DCUN1D4: variants seen among roughly 807,000 people sequenced by gnomAD.
The protein encoded by DCUN1D4 is DCN1-like protein 4.
In DCUN1D4, 22 loss-of-function variants were observed where a neutral mutation model predicts 47.9. The ratio of observed to expected loss-of-function variants is 0.46; its 90% CI spans 0.33 to 0.66. The LOEUF (loss-of-function observed/expected upper bound fraction) is 0.66, where lower values mean the gene tolerates loss of function less well. Ranked by LOEUF, DCUN1D4 falls within the 30% of genes least tolerant of loss-of-function variation. DCUN1D4 has a pLI of 0.02. For synonymous variants in DCUN1D4, 121 were observed against 112.2 expected (o/e 1.08, Z -0.50); for missense variants, 301 against 340.8 (o/e 0.88, Z 0.92).
Position 51,843,252 on chromosome 4 carries a change from G to A in DCUN1D4, c.10G>A (p.Asp4Asn). The change falls in exon 1 of 11, where the codon GAT becomes AAT. Residue 4 changes from aspartate (D) to asparagine (N), a missense_variant. Coordinates refer to ENST00000334635, the MANE Select transcript of DCUN1D4 (RefSeq NM_001040402.3). MHSDAAAVNFQLNS... is the reference protein window; with the variant it reads MHSNAAAVNFQLNS... ...TGTGAGCTGCCTGAAAATGCACTCG[G>A]ATGCCGCCGCTGTCAGTGAGTAGCA... is the stretch of plus-strand genomic sequence containing the variant. 1 of 1,542,426 alleles carries A rather than the reference G, an allele frequency of 6.5e-7. No homozygotes were observed. Among genetic ancestry groups the A allele is most frequent in the East Asian group, 2.5e-5 (1 of 40,230 alleles).
At chr4:51,838,662 C>A (rs949565727), upstream of DCUN1D4, among the ~76,000 whole-genome samples, 2 of 152,164 alleles carry the variant, frequency 1.3e-5, no homozygotes, top group Non-Finnish European at 2.9e-5. Flanking sequence ...GGGTTTCAGG[C>A]ATGAGCCACC....
chr4:51,888,278 A>C (rs539346327), intron 6 of DCUN1D4, among the ~76,000 whole-genome samples: 1 of 152,158 alleles, frequency 6.6e-6, no homozygotes, highest in East Asian at 1.9e-4. Flanking sequence ...TTAGCTGAGC[A>C]TTTAGTCTCA....
chr4:51,877,709 C>A, intron 4 of DCUN1D4, 54 bp from the exon 5 acceptor site: 1 of 1,097,174 alleles, frequency 9.1e-7, no homozygotes, highest in Non-Finnish European at 1.4e-6. Context: ...TTATCTGCTA[C>A]TTTAAAGAAC....
At chr4:51,886,544 T>C in intron 5 of DCUN1D4, 24 bp from the exon 6 acceptor site, 1 of 1,607,618 alleles carries the variant, frequency 6.2e-7, no homozygotes, top group Non-Finnish European at 8.5e-7. Flanking sequence ...TCAGATTTAA[T>C]TTACATAAGA....
At chr4:51,857,194 C>T (rs1724269470) in intron 1 of DCUN1D4, among the ~76,000 whole-genome samples, 1 of 152,106 alleles carries the variant, frequency 6.6e-6, no homozygotes, top group Non-Finnish European at 1.5e-5. Flanking sequence ...CTCGCTTCTT[C>T]CTTTTTTATT....
chr4:51,886,849 C>T, intron 6 of DCUN1D4: 1 of 528,000 alleles, frequency 1.9e-6, no homozygotes, highest in Non-Finnish European at 3.4e-6. Context: ...TTTTTTCTCT[C>T]ATTTAATTTC....
At chr4:51,884,487 A>C (rs761116736) in intron 5 of DCUN1D4, 1 of 152,256 alleles carries the variant, frequency 6.6e-6, no homozygotes, top group Non-Finnish European at 1.5e-5. Flanking sequence ...TAAGAAGGTG[A>C]ATTCTGCTGG....
At chr4:51,846,689 A>G (rs916332048) in intron 1 of DCUN1D4, among the ~76,000 whole-genome samples, 2 of 152,212 alleles carry the variant, frequency 1.3e-5, no homozygotes, top group African/African-American at 4.8e-5. Flanking sequence ...GCCTTTGCCA[A>G]TACAATGCTC....
At chr4:51,855,543 G>A (rs555438206) in intron 1 of DCUN1D4, among the ~76,000 whole-genome samples, 9 of 152,306 alleles carry the variant, frequency 5.9e-5, no homozygotes, top group African/African-American at 2.2e-4. Context: ...TGTTGGGCCT[G>A]TGAACGTCAA....
At chr4:51,845,709 G>T (rs936661823) in intron 1 of DCUN1D4, among the ~76,000 whole-genome samples, 1 of 152,180 alleles carries the variant, frequency 6.6e-6, no homozygotes, top group African/African-American at 2.4e-5. Flanking sequence ...ATAGTCATTA[G>T]AAGAATATTG....
At chr4:51,847,201 TG>T (rs1722690741) in intron 1 of DCUN1D4, among the ~76,000 whole-genome samples, 1 of 152,232 alleles carries the variant, frequency 6.6e-6, no homozygotes, top group South Asian at 2.1e-4. Context: ...CAGCTGTCTC[TG>T]GCTTGGTCTC....
intron 8 of DCUN1D4, among the ~76,000 whole-genome samples, chr4:51,900,885 G>T (rs979070782): frequency 6.6e-6 from 1 of 151,942 alleles, no homozygotes. Flanking sequence ...CTTGACTGGG[G>T]GAGTCACAGT....
chr4:51,913,259 C>A, intron 9 of DCUN1D4, 31 bp from the exon 10 acceptor site: 1 of 1,348,872 alleles, frequency 7.4e-7, no homozygotes, highest in South Asian at 1.2e-5. Context: ...TTTTAAGTGT[C>A]AGTAATTCAT....
upstream of DCUN1D4, among the ~76,000 whole-genome samples, chr4:51,841,054 G>C (rs541152831): frequency 6.6e-6 from 1 of 152,116 alleles, no homozygotes; most frequent in Non-Finnish European, 1.5e-5. Flanking sequence ...CAAAGCAGCC[G>C]ACCCATCCTT....
intron 1 of DCUN1D4, among the ~76,000 whole-genome samples, chr4:51,853,828 A>G (rs911995542): frequency 1.3e-5 from 2 of 152,182 alleles, no homozygotes; most frequent in African/African-American, 4.8e-5. Flanking sequence ...AAGATGCAGC[A>G]GCTCCCCCAT....
chr4:51,836,651 A>G, the DCUN1D4 span, among the ~76,000 whole-genome samples: 1 of 152,136 alleles, frequency 6.6e-6, no homozygotes, highest in African/African-American at 2.4e-5. Context: ...GGTTTTTGAC[A>G]TACTTCATGC....
chr4:51,857,513 T>C (rs1245114264), intron 1 of DCUN1D4, among the ~76,000 whole-genome samples: 1 of 152,202 alleles, frequency 6.6e-6, no homozygotes, highest in Non-Finnish European at 1.5e-5. Context: ...TGTTTTCCTG[T>C]ACAGAGTTTG....
intron 6 of DCUN1D4, among the ~76,000 whole-genome samples, chr4:51,891,261 G>C (rs1355175237): frequency 6.6e-6 from 1 of 152,162 alleles, no homozygotes; most frequent in African/African-American, 2.4e-5. Flanking sequence ...CATCTTAGTG[G>C]TGTCATAGTA....
chr4:51,884,368 T>A (rs1373014812), intron 5 of DCUN1D4: 1 of 152,208 alleles, frequency 6.6e-6, no homozygotes, highest in Non-Finnish European at 1.5e-5. Flanking sequence ...CTCCTGTACT[T>A]TGTCTCCCTT....
Sources: allele counts gnomAD v4.1 joint callset (sites outside exome capture counted in the v4.1 genomes callset), GRCh38; gene constraint gnomAD v4.1.1; transcripts MANE v1.5; gene names NCBI Gene and HGNC (gene_info 2026-07-23, HGNC 2026-07-21).